Variants in OS9 observed in about 807,000 individuals in gnomAD.
The protein encoded by OS9 is protein OS-9.
A neutral mutation model predicts 84.7 loss-of-function variants in OS9; 58 were observed. That is an observed-to-expected ratio of 0.68 (90% CI 0.55 to 0.85). The LOEUF (loss-of-function observed/expected upper bound fraction) is 0.85. OS9 is among the 40% of genes least tolerant of loss of function. The pLI, the probability that OS9 is intolerant of heterozygous loss-of-function variation, is 0.00. For missense variants in OS9, 760 were observed against 850.9 expected, an observed-to-expected ratio of 0.89 and a Z score of 1.33; for synonymous variants, 278 against 320.8, an observed-to-expected ratio of 0.87 and a Z score of 1.43.
intron 5 of OS9, among the ~76,000 whole-genome samples, chr12:57,710,002 G>A (rs1954282163): frequency 6.6e-6 from 1 of 152,038 alleles, no homozygotes; most frequent in Non-Finnish European, 1.5e-5. Context: ...ATAGGCGTGT[G>A]CCACCATGCC....
chr12:57,721,423 G>A lies in OS9; in HGVS notation c.*514G>A, dbSNP rs942584577. On this transcript the variant is annotated 3_prime_UTR_variant, in exon 15 of 15. Coordinates refer to ENST00000315970, the MANE Select transcript of OS9 (RefSeq NM_006812.4). ...CTACAATTTGTGCTTCTGAGTTGAG[G>A]AGCCTTCACCTCTGTTGCTGAGGAA... 1.9e-5 allele frequency: 3 copies of A among 157,858 alleles called. No homozygotes were observed. Among genetic ancestry groups the A allele is most frequent in the Non-Finnish European group, 4.2e-5 (3 of 71,160 alleles). The allele number at this position is 157,858 out of a possible 1,614,324, so 9.8% of individuals were successfully genotyped here.
Position 57,716,194 on chromosome 12 carries a change from G to A in OS9, c.892+1G>A, listed in dbSNP as rs991536518. ...GGGGTGGCACCCCAAAAGATGGCAGGTAGGACCTTGTTTCACCTGTTCCGT... is the reference window on the plus strand; with the variant it reads ...GGGGTGGCACCCCAAAAGATGGCAGATAGGACCTTGTTTCACCTGTTCCGT... On this transcript the variant is annotated splice_donor_variant, in intron 7 of 14. Transcript: ENST00000315970. LOFTEE classifies it high-confidence loss of function. 6.3e-7 allele frequency: 1 copy of A among 1,590,082 alleles called. No individual in the cohort carries two copies. The highest frequency in any genetic ancestry group is 2.2e-5 in the East Asian group (1 of 44,566).
chr12:57,710,043 G>A (rs950722206), intron 5 of OS9, among the ~76,000 whole-genome samples: 2 of 152,024 alleles, frequency 1.3e-5, no homozygotes, highest in African/African-American at 2.4e-5. Flanking sequence ...AGTAGAGATG[G>A]GGTTTCGCCA....
chr12:57,717,622 A>G lies in OS9; in HGVS notation c.1046-248A>G, dbSNP rs1595064602. On this transcript the variant is annotated intron_variant, in intron 9 of 14. Transcript: ENST00000315970. Reference sequence around the variant, plus strand: ...AACCTGGCCAACATGGTGAAACCCCATCTCTACTAAAAATACAAAAATTAG... The same window carrying G: ...AACCTGGCCAACATGGTGAAACCCCGTCTCTACTAAAAATACAAAAATTAG... Among the ~76,000 whole-genome samples, 3 of 151,818 alleles carry G rather than the reference A, an allele frequency of 2.0e-5. No homozygotes were observed. In the South Asian group the frequency reaches 6.3e-4, roughly 32 times the overall value.
intron 5 of OS9, among the ~76,000 whole-genome samples, chr12:57,706,120 C>T (rs180903349): frequency 2.0e-5 from 3 of 152,184 alleles, no homozygotes; most frequent in Non-Finnish European, 4.4e-5. Flanking sequence ...TCACTGTTAG[C>T]GTGATGTTTT....
Position 57,715,819 on chromosome 12 carries a change from C to G in OS9, c.639C>G (p.Pro213=), listed in dbSNP as rs759623312. 10 of 1,613,878 alleles carry G rather than the reference C, an allele frequency of 6.2e-6. No individual in the cohort carries two copies. The highest frequency in any genetic ancestry group is 5.0e-5 in the Admixed American group (3 of 59,984). ...SGDYIDRVDE[P]LSCSYVLTIR... is the part of the protein sequence containing the mutation. ...ACTACATCGATCGCGTGGACGAGCCCTTGTCCTGCTCTTATGTGCTGACCA... is the reference window on the plus strand; with the variant it reads ...ACTACATCGATCGCGTGGACGAGCCGTTGTCCTGCTCTTATGTGCTGACCA... The change falls in exon 6 of 15, where the codon CCC becomes CCG. Residue 213 remains proline (P), a synonymous_variant. Transcript: ENST00000315970.
Position 57,718,397 on chromosome 12 carries a change from G to C in OS9, c.1386G>C (p.Arg462=), listed in dbSNP as rs2140336066. ...LRSEVKAGME[R]ELENIIQETE... ...CGGAGGTGAAGGCTGGCATGGAGCG[G>C]GAACTGGAAAACATCATCCAGGAGG... Residue 462 remains arginine, a synonymous_variant, in exon 11 of 15, where the codon CGG becomes CGC. Transcript: ENST00000315970. 2 of 1,613,960 alleles carry C rather than the reference G, an allele frequency of 1.2e-6. No homozygotes were observed. Among genetic ancestry groups the C allele is most frequent in the East Asian group, 4.5e-5 (2 of 44,878 alleles).
In OS9 at chr12:57,720,982, C is replaced by T. The variant is rs1308861588; in HGVS notation, c.*73C>T. 17 of 1,557,732 alleles carry T rather than the reference C, an allele frequency of 1.1e-5. No homozygotes were observed. The highest frequency in any genetic ancestry group is 1.4e-5 in the Non-Finnish European group (16 of 1,133,370). On this transcript the variant is annotated 3_prime_UTR_variant, in exon 15 of 15. Coordinates refer to ENST00000315970, the MANE Select transcript of OS9 (RefSeq NM_006812.4). ...CTGGCTTGCCTCCTCCCCACCTCCC[C>T]ACCCTGGAACCCCTGAGGGCCAAAC... is the stretch of plus-strand genomic sequence containing the variant.
chr12:57,713,717 T>TA (rs1424963708), intron 5 of OS9, among the ~76,000 whole-genome samples: 7 of 150,540 alleles, frequency 4.6e-5, no homozygotes, highest in East Asian at 1.9e-4. Context: ...TTTTTTTTTT[T>TA]AACTACGCTT....
Position 57,717,899 on chromosome 12 carries a change from A to G in OS9, c.1075A>G (p.Ile359Val). The G allele has an allele frequency of 1.2e-6, 2 of 1,612,900 alleles. No homozygotes were observed. The highest frequency in any genetic ancestry group is 1.7e-6 in the Non-Finnish European group (2 of 1,179,474). The change falls in exon 10 of 15, where the codon ATT (isoleucine) becomes GTT (valine). Residue 359 changes from isoleucine to valine, a missense_variant. Ile to Val is a conservative substitution (Grantham distance 29). Coordinates refer to ENST00000315970, the MANE Select transcript of OS9 (RefSeq NM_006812.4). ...DFQNNVQVKV[I>V]RSPADLIRFI... ...TCAGAACAACGTGCAGGTCAAAGTC[A>G]TTCGAAGCCCTGCGGATTTGATTCG...
At chr12:57,713,698 CTTTT>C (rs1045862160) in intron 5 of OS9, among the ~76,000 whole-genome samples, 1 of 131,824 alleles carries the variant, frequency 7.6e-6, no homozygotes, top group Non-Finnish European at 1.6e-5. Flanking sequence ...CCCCACCCCA[CTTTT>C]TTTTTTTTTT....
At chr12:57,719,279 G>A in intron 12 of OS9, 97 bp downstream of exon 12, 1 of 1,027,670 alleles carries the variant, frequency 9.7e-7, no homozygotes, top group South Asian at 1.6e-5. Context: ...TCCCTTCTGA[G>A]GGTGCTCATT....
In OS9 at chr12:57,716,202, T is replaced by A; in HGVS notation, c.892+9T>A. On this transcript the variant is annotated intron_variant, in intron 7 of 14. Coordinates refer to ENST00000315970, the MANE Select transcript of OS9 (RefSeq NM_006812.4). ...ACCCCAAAAGATGGCAGGTAGGACC[T>A]TGTTTCACCTGTTCCGTGAAACTCA... 6.4e-7 allele frequency: 1 copy of A among 1,569,552 alleles called. No individual in the cohort carries two copies. Among genetic ancestry groups the A allele is most frequent in the Non-Finnish European group, 8.8e-7 (1 of 1,141,752 alleles).
intron 5 of OS9, among the ~76,000 whole-genome samples, chr12:57,697,965 A>C (rs970292198): frequency 4.4e-4 from 65 of 147,858 alleles, no homozygotes; most frequent in African/African-American, 1.1e-3. Context: ...ACACACACAC[A>C]CCCTATTGCT....
At position 57,720,022 on chromosome 12, in the gene OS9, G is replaced by A. The variant is rs1595070127; in HGVS notation, c.1601-77G>A. 8 of 1,356,336 alleles carry A rather than the reference G, an allele frequency of 5.9e-6. No homozygotes were observed. The East Asian group carries it at 1.8e-4, about 31-fold the overall frequency. The allele number at this position is 1,356,336 out of a possible 1,614,324, so 84.0% of individuals were successfully genotyped here. On this transcript the variant is annotated intron_variant, in intron 12 of 14. Transcript: ENST00000315970. ...CTGCCAAAGCCAACTGATGTTTTAG[G>A]GGGAGATGACCCCCACACCCCTAAC...
rs981967973 is a variant in OS9 at position 57,694,178 on chromosome 12, T to G, written c.17T>G (p.Leu6Arg). The stretch of plus-strand genomic sequence containing the variant: ...GAACGAAAGATGGCGGCGGAAACGC[T>G]GCTGTCCAGTTTGTTAGGACTGCTG... MAAETLLSSLLGLLLL... is the reference protein window; with the variant it reads MAAETRLSSLLGLLLL... The change falls in exon 1 of 15, where the codon CTG becomes CGG. Residue 6 changes from leucine (L) to arginine (R), a missense_variant. Coordinates refer to ENST00000315970, the MANE Select transcript of OS9 (RefSeq NM_006812.4). The G allele has an allele frequency of 6.2e-7, 1 of 1,614,192 alleles. No homozygotes were observed. The highest frequency in any genetic ancestry group is 2.2e-5 in the East Asian group (1 of 44,874).
chr12:57,705,070 C>A (rs968377976), intron 5 of OS9, among the ~76,000 whole-genome samples: 7 of 152,222 alleles, frequency 4.6e-5, no homozygotes, highest in African/African-American at 1.4e-4. Flanking sequence ...AATATATGTG[C>A]ATTTTCTTCT....
chr12:57,714,065 C>T (rs1412637105), intron 5 of OS9, among the ~76,000 whole-genome samples: 16 of 151,778 alleles, frequency 1.1e-4, no homozygotes, highest in Non-Finnish European at 4.4e-5. Flanking sequence ...TGTGATCATG[C>T]CACTGCACTC....
chr12:57,714,639 G>A (rs1266894444), intron 5 of OS9, among the ~76,000 whole-genome samples: 1 of 152,150 alleles, frequency 6.6e-6, no homozygotes, highest in African/African-American at 2.4e-5. Context: ...TTCCACACGG[G>A]TTGGAATGCA....
Sources: gnomAD v4.1 joint callset for allele counts (sites outside exome capture counted in the v4.1 genomes callset) on GRCh38, gnomAD v4.1.1 for gene constraint, MANE v1.5 for transcripts, NCBI Gene and HGNC (gene_info 2026-07-23, HGNC 2026-07-21) for gene names.